FNBP1L: variants seen among roughly 807,000 people sequenced by gnomAD.
The protein encoded by FNBP1L is formin-binding protein 1-like.
FNBP1L carries 36 observed loss-of-function variants against 91.2 expected under a neutral mutation model. The observed-to-expected ratio is 0.39, with a 90% CI of 0.30 to 0.52. The LOEUF is 0.52. Ranked by LOEUF, FNBP1L falls within the 20% of genes least tolerant of loss-of-function variation. FNBP1L has a pLI of 0.66. For synonymous variants in FNBP1L, 242 were observed against 237.0 expected (o/e 1.02, Z -0.19); for missense variants, 571 against 732.1 (o/e 0.78, Z 2.54).
intron 1 of FNBP1L, among the ~76,000 whole-genome samples, chr1:93,494,233 GAC>G (rs1670191481): frequency 6.6e-6 from 1 of 152,168 alleles, no homozygotes; most frequent in Non-Finnish European, 1.5e-5. Context: ...TATTATAAAG[GAC>G]ACAGATGAAC....
intron 5 of FNBP1L, among the ~76,000 whole-genome samples, chr1:93,524,605 TTAAAG>T (rs1329994881): frequency 1.8e-4 from 27 of 150,216 alleles, no homozygotes; most frequent in African/African-American, 5.4e-4. Flanking sequence ...TTTTTTTACT[TTAAAG>T]TAGTTACTAT....
chr1:93,465,346 C>T (rs1570767644), intron 1 of FNBP1L, among the ~76,000 whole-genome samples: 2 of 152,026 alleles, frequency 1.3e-5, no homozygotes, highest in South Asian at 4.2e-4. Context: ...AATGCTATCC[C>T]TCCCCCAGCC....
intron 8 of FNBP1L, 88 bp from the exon 9 acceptor site, chr1:93,534,617 T>C: frequency 2.6e-6 from 2 of 754,812 alleles, no homozygotes; most frequent in Non-Finnish European, 4.2e-6. Flanking sequence ...CTTATATTTG[T>C]TGTTTTTTTG....
chr1:93,479,136 C>T (rs1489919619), intron 1 of FNBP1L, among the ~76,000 whole-genome samples: 2 of 152,188 alleles, frequency 1.3e-5, no homozygotes, highest in African/African-American at 2.4e-5. Flanking sequence ...AGCTGGGCCG[C>T]TGGGGGTGAC....
At chr1:93,538,476 G>C (rs1671917881) in intron 10 of FNBP1L, among the ~76,000 whole-genome samples, 1 of 152,070 alleles carries the variant, frequency 6.6e-6, no homozygotes, top group Non-Finnish European at 1.5e-5. Flanking sequence ...GTGTGAAAGA[G>C]AAAATATGAC....
In FNBP1L at chr1:93,540,199, C is replaced by CAT. The variant is rs200232738; in HGVS notation, c.1150-835_1150-834dup. Among the ~76,000 whole-genome samples, 851 of 152,092 alleles carry CAT rather than the reference C, an allele frequency of 5.6e-3. 14 individuals are homozygous for CAT. Among genetic ancestry groups the CAT allele is most frequent in the African/African-American group, 0.019 (786 of 41,456 alleles). On this transcript the variant is annotated intron_variant, in intron 10 of 16. Coordinates refer to ENST00000271234, the MANE Select transcript of FNBP1L (RefSeq NM_001164473.3). ...ACATATCTATATCTGTACACACACA[C>CAT]ATATATATACATATATAAAGTATTG...
intron 10 of FNBP1L, among the ~76,000 whole-genome samples, chr1:93,537,303 A>G (rs1407702999): frequency 6.6e-6 from 1 of 152,150 alleles, no homozygotes; most frequent in East Asian, 1.9e-4. Flanking sequence ...CAGTCTTTCA[A>G]TGTCGTAAGA....
chr1:93,514,743 C>G (rs1671012048), intron 2 of FNBP1L, among the ~76,000 whole-genome samples: 1 of 151,582 alleles, frequency 6.6e-6, no homozygotes, highest in Non-Finnish European at 1.5e-5. Context: ...GGATCCCTTC[C>G]TTACACCTTA....
intron 2 of FNBP1L, among the ~76,000 whole-genome samples, chr1:93,513,215 C>G (rs1181725165): frequency 6.6e-6 from 1 of 151,606 alleles, no homozygotes; most frequent in Non-Finnish European, 1.5e-5. Context: ...CAAGACTAAA[C>G]CAGGAAGAAG....
intron 7 of FNBP1L, among the ~76,000 whole-genome samples, chr1:93,531,565 A>G (rs910750658): frequency 1.1e-4 from 16 of 152,194 alleles, no homozygotes; most frequent in African/African-American, 3.9e-4. Flanking sequence ...GCCCGGGTAC[A>G]CTTTTTCTTC....
Position 93,448,224 on chromosome 1 carries a change from C to T in FNBP1L, c.-58C>T. 2 of 1,519,134 alleles carry T rather than the reference C, an allele frequency of 1.3e-6. No individual in the cohort carries two copies. The highest frequency in any genetic ancestry group is 1.2e-5 in the South Asian group (1 of 81,518). 94.1% of individuals were successfully genotyped at this position (1,519,134 alleles called of 1,614,324 possible). A position where few individuals can be genotyped will look rare whatever the true frequency, so the allele number is the denominator to read the frequency against. On this transcript the variant is annotated 5_prime_UTR_variant, in exon 1 of 17. Coordinates refer to ENST00000271234, the MANE Select transcript of FNBP1L (RefSeq NM_001164473.3). ...GCCAGCGAGTGAGAGGTCGGACAGA[C>T]TGTGGAGCCGACAGACTGAAGGACA...
At position 93,551,414 on chromosome 1, in the gene FNBP1L, G is replaced by C. The variant is rs369683346; in HGVS notation, c.1810+309G>C. 4 of 1,021,368 alleles carry C rather than the reference G, an allele frequency of 3.9e-6. No homozygotes were observed. The African/African-American group carries it at 6.8e-5, about 17-fold the overall frequency. 63.3% of individuals were successfully genotyped at this position (1,021,368 alleles called of 1,614,324 possible). ...TTTTTCTGCCTTACAAATAGAATTT[G>C]ATTTATTGGGCAGGAATTCATGGAT... On this transcript the variant is annotated intron_variant, in intron 16 of 16. Coordinates refer to ENST00000271234, the MANE Select transcript of FNBP1L (RefSeq NM_001164473.3).
At chr1:93,487,435 G>A (rs547840952) in intron 1 of FNBP1L, among the ~76,000 whole-genome samples, 4 of 152,268 alleles carry the variant, frequency 2.6e-5, no homozygotes, top group Admixed American at 2.6e-4. Context: ...ATGTTACAAA[G>A]TTAGGCTGTA....
At chr1:93,520,860 G>GGT (rs553888722) in intron 2 of FNBP1L, among the ~76,000 whole-genome samples, 22 of 152,218 alleles carry the variant, frequency 1.4e-4, no homozygotes, top group African/African-American at 5.1e-4. Context: ...TGGCCAATGT[G>GGT]GTGAAACCCT....
Position 93,475,769 on chromosome 1 carries a change from TAAC to T in FNBP1L, c.25-23696_25-23694del, listed in dbSNP as rs141007064. 8.7e-3 allele frequency among the ~76,000 whole-genome samples: 1,330 copies of T among 152,310 alleles called. 18 individuals carry two copies. The highest frequency in any genetic ancestry group is 0.031 in the African/African-American group (1,268 of 41,562). ...ATGCATGAGAGTAGTTGTAAAATAA[TAAC>T]AAAATAATCATTATTAACAGCTTTA... is the stretch of plus-strand genomic sequence containing the variant. On this transcript the variant is annotated intron_variant, in intron 1 of 16. Transcript: ENST00000271234.
intron 1 of FNBP1L, among the ~76,000 whole-genome samples, chr1:93,470,381 G>A (rs1669244076): frequency 6.6e-6 from 1 of 152,140 alleles, no homozygotes; most frequent in Admixed American, 6.6e-5. Context: ...TTCTGCCTTG[G>A]CCTCCTAAAG....
intron 11 of FNBP1L, 25 bp from the exon 12 acceptor site, chr1:93,544,082 A>G (rs1212655413): frequency 2.0e-6 from 3 of 1,524,126 alleles, no homozygotes; most frequent in South Asian, 1.2e-5. Flanking sequence ...AATGTCTATT[A>G]TAATGATTTA....
At chr1:93,520,965 C>A (rs1671299120) in intron 2 of FNBP1L, among the ~76,000 whole-genome samples, 1 of 152,106 alleles carries the variant, frequency 6.6e-6, no homozygotes, top group African/African-American at 2.4e-5. Flanking sequence ...TCGCCTGAAC[C>A]CCGGAGGCAG....
intron 2 of FNBP1L, among the ~76,000 whole-genome samples, chr1:93,515,153 C>T (rs573300210): frequency 7.3e-4 from 111 of 152,312 alleles, no homozygotes; most frequent in Admixed American, 1.6e-3. Flanking sequence ...AGCCAAAAAA[C>T]ACATGAAAAA....
Sources: allele counts gnomAD v4.1 joint callset (sites outside exome capture counted in the v4.1 genomes callset), GRCh38; gene constraint gnomAD v4.1.1; transcripts MANE v1.5; gene names NCBI Gene and HGNC (gene_info 2026-07-23, HGNC 2026-07-21).